The following MIR2052HG variants were observed in gnomAD, a reference collection of about 807,000 sequenced individuals.
The protein encoded by MIR2052HG is MIR2052 host gene.
At chr8:74,738,475 C>T (rs376038768) in intron 4 of MIR2052HG, among the ~76,000 whole-genome samples, 11 of 152,136 alleles carry the variant, frequency 7.2e-5, no homozygotes, top group African/African-American at 2.7e-4. Flanking sequence ...CTTCCAAATA[C>T]CTGGTGGCTC....
chr8:74,711,731 G>A (rs1261935462), intron 4 of MIR2052HG, among the ~76,000 whole-genome samples: 1 of 152,162 alleles, frequency 6.6e-6, no homozygotes, highest in Non-Finnish European at 1.5e-5. Context: ...ACCTGATGTA[G>A]TAATGGCTGG....
chr8:74,603,474 C>T (rs559429676), intron 1 of MIR2052HG: 2 of 1,599,812 alleles, frequency 1.3e-6, no homozygotes, highest in Non-Finnish European at 1.7e-6. Flanking sequence ...CGCCTTGACG[C>T]CCGATTATGC....
At chr8:74,614,576 T>C (rs1808250401) in intron 2 of MIR2052HG, among the ~76,000 whole-genome samples, 1 of 152,164 alleles carries the variant, frequency 6.6e-6, no homozygotes, top group Non-Finnish European at 1.5e-5. Flanking sequence ...AATTGTCTTC[T>C]AATCCTTGGG....
intron 3 of MIR2052HG, among the ~76,000 whole-genome samples, chr8:74,703,360 C>T (rs562005668): frequency 2.6e-5 from 4 of 151,986 alleles, no homozygotes; most frequent in South Asian, 2.1e-4. Flanking sequence ...TTTTAATCTT[C>T]CTCAAAGAAA....
At chr8:74,723,564 T>C (rs1433792094) in intron 4 of MIR2052HG, among the ~76,000 whole-genome samples, 3 of 152,104 alleles carry the variant, frequency 2.0e-5, no homozygotes, top group Non-Finnish European at 4.4e-5. Flanking sequence ...GGATGGGAAA[T>C]ATCCACCTTA....
intron 4 of MIR2052HG, among the ~76,000 whole-genome samples, chr8:74,719,629 C>T (rs967158532): frequency 2.7e-5 from 4 of 150,934 alleles, no homozygotes; most frequent in African/African-American, 7.3e-5. Context: ...TGGCTCTAGG[C>T]GCCCTCCACT....
intron 2 of MIR2052HG, among the ~76,000 whole-genome samples, chr8:74,696,279 A>G (rs543681802): frequency 1.3e-5 from 2 of 152,180 alleles, no homozygotes; most frequent in African/African-American, 4.8e-5. Flanking sequence ...ACTGAACGAT[A>G]ATAGTGACAC....
intron 2 of MIR2052HG, among the ~76,000 whole-genome samples, chr8:74,624,370 C>T (rs764429075): frequency 1.3e-5 from 2 of 152,210 alleles, no homozygotes; most frequent in Non-Finnish European, 2.9e-5. Flanking sequence ...TCTGGGCAAC[C>T]AGTGTGGTTT....
chr8:74,705,569 T>A lies in MIR2052HG; in HGVS notation n.371+1887T>A, dbSNP rs1809401957. On this transcript the variant is annotated intron_variant and non_coding_transcript_variant, in intron 4 of 6. Transcript: ENST00000523442. The stretch of plus-strand genomic sequence containing the variant: ...TCTTTCTATAGTTGGCCTGTGAGAT[T>A]TGAAAGGGAAAAGCCTTCAGTAAAA... 3 of 169,256 alleles carry A rather than the reference T, an allele frequency of 1.8e-5. No individual in the cohort carries two copies. The Admixed American group carries it at 2.0e-4, about 11-fold the overall frequency. The allele number at this position is 169,256 out of a possible 1,614,324, so 10.5% of individuals were successfully genotyped here. A position where few individuals can be genotyped will look rare whatever the true frequency, so the allele number is the denominator to read the frequency against.
intron 2 of MIR2052HG, among the ~76,000 whole-genome samples, chr8:74,682,035 T>C (rs1478769060): frequency 2.0e-5 from 3 of 152,270 alleles, no homozygotes; most frequent in East Asian, 3.9e-4. Context: ...TCCAAAGATA[T>C]TAAAATGAGC....
chr8:74,745,108 G>T (rs1452337498), intron 4 of MIR2052HG, among the ~76,000 whole-genome samples: 1 of 151,984 alleles, frequency 6.6e-6, no homozygotes, highest in Admixed American at 6.6e-5. Context: ...AAAAAAATGT[G>T]AAAAAATGAA....
chr8:74,631,389 T>C (rs1586897756), intron 2 of MIR2052HG, among the ~76,000 whole-genome samples: 1 of 152,208 alleles, frequency 6.6e-6, no homozygotes, highest in East Asian at 1.9e-4. Context: ...TTTGAATAAT[T>C]AGTTCTATCC....
At chr8:74,689,839 A>G (rs1809221149) in intron 2 of MIR2052HG, among the ~76,000 whole-genome samples, 1 of 152,202 alleles carries the variant, frequency 6.6e-6, no homozygotes, top group Non-Finnish European at 1.5e-5. Flanking sequence ...TATTCTGAAC[A>G]CTATGGGAGA....
At chr8:74,644,939 C>G (rs1007498026) in intron 2 of MIR2052HG, among the ~76,000 whole-genome samples, 5 of 151,974 alleles carry the variant, frequency 3.3e-5, no homozygotes, top group African/African-American at 1.2e-4. Flanking sequence ...AGCAAACTAA[C>G]AAACCAAAAG....
intron 1 of MIR2052HG, chr8:74,603,128 C>T: frequency 1.6e-6 from 1 of 619,936 alleles, no homozygotes; most frequent in Non-Finnish European, 2.9e-6. Context: ...GGAATTAAAA[C>T]ACTTTAAGTA....
At chr8:74,608,711 T>C (rs1563510941) in intron 1 of MIR2052HG, among the ~76,000 whole-genome samples, 1 of 152,038 alleles carries the variant, frequency 6.6e-6, no homozygotes, top group Non-Finnish European at 1.5e-5. Flanking sequence ...CTAAGTAAAC[T>C]GTGTGTCAAG....
At chr8:74,654,009 T>G (rs1436830752) in intron 2 of MIR2052HG, among the ~76,000 whole-genome samples, 1 of 152,164 alleles carries the variant, frequency 6.6e-6, no homozygotes, top group African/African-American at 2.4e-5. Flanking sequence ...AATAATATAG[T>G]CTTACATATG....
chr8:74,707,588 A>C (rs16938938), intron 4 of MIR2052HG, among the ~76,000 whole-genome samples: 4,697 of 151,824 alleles, frequency 0.031, 147 homozygotes, highest in African/African-American at 0.069. Flanking sequence ...CTTTTTTTTT[A>C]ACTGCAACTG....
intron 2 of MIR2052HG, among the ~76,000 whole-genome samples, chr8:74,620,579 G>A (rs1481682928): frequency 6.6e-6 from 1 of 152,272 alleles, no homozygotes; most frequent in African/African-American, 2.4e-5. Flanking sequence ...GCCAAAGCTT[G>A]GAGTTTGCAC....
Sources: gnomAD v4.1 joint callset for allele counts (sites outside exome capture counted in the v4.1 genomes callset) on GRCh38, gnomAD v4.1.1 for gene constraint, MANE v1.5 for transcripts, NCBI Gene and HGNC (gene_info 2026-07-23, HGNC 2026-07-21) for gene names.